The following FNIP2 variants were observed in gnomAD, a reference collection of about 807,000 sequenced individuals.
FNIP2 encodes the protein folliculin-interacting protein 2.
In FNIP2, 32 loss-of-function variants were observed where a neutral mutation model predicts 108.7. The observed-to-expected ratio is 0.29, with a 90% CI of 0.22 to 0.40. The LOEUF is 0.40. FNIP2 is among the 10% of genes least tolerant of loss of function. The pLI is 1.00. For synonymous variants in FNIP2, 480 were observed against 496.7 expected (o/e 0.97, Z 0.45); for missense variants, 1,202 against 1,381.6 (o/e 0.87, Z 2.06).
At chr4:158,825,381 C>G (rs958635727) in intron 1 of FNIP2, among the ~76,000 whole-genome samples, 1 of 152,140 alleles carries the variant, frequency 6.6e-6, no homozygotes, top group Non-Finnish European at 1.5e-5. Context: ...TTCTGAAACT[C>G]CTGGATTAGA....
chr4:158,796,488 T>C (rs551860695), intron 1 of FNIP2, among the ~76,000 whole-genome samples: 1 of 152,220 alleles, frequency 6.6e-6, no homozygotes, highest in South Asian at 2.1e-4. Flanking sequence ...GGCTATGTTT[T>C]TGGGGGAGGG....
At chr4:158,787,322 C>A (rs559918959) in intron 1 of FNIP2, among the ~76,000 whole-genome samples, 3 of 152,312 alleles carry the variant, frequency 2.0e-5, no homozygotes, top group South Asian at 2.1e-4. Context: ...CCATAGTTTT[C>A]TTTTCTAAAA....
At chr4:158,772,388 CTTG>C (rs1023683301) in intron 1 of FNIP2, among the ~76,000 whole-genome samples, 16 of 152,204 alleles carry the variant, frequency 1.1e-4, no homozygotes, top group Admixed American at 3.3e-4. Flanking sequence ...TAAGGTTGTT[CTTG>C]TTGTTGTTGT....
intron 16 of FNIP2, among the ~76,000 whole-genome samples, chr4:158,900,661 A>G (rs1180246202): frequency 1.3e-5 from 2 of 151,570 alleles, no homozygotes; most frequent in Non-Finnish European, 2.9e-5. Flanking sequence ...TACAACCCCT[A>G]CTTTTTTTCA....
intron 11 of FNIP2, 21 bp from the exon 12 acceptor site, chr4:158,861,586 A>G (rs746545696): frequency 6.2e-7 from 1 of 1,613,960 alleles, no homozygotes; most frequent in South Asian, 1.1e-5. Flanking sequence ...AGTTGGTTGT[A>G]TCTTTTTCCA....
Position 158,769,062 on chromosome 4 carries a change from G to C in FNIP2, c.-151G>C, listed in dbSNP as rs1775599273. On this transcript the variant is annotated 5_prime_UTR_variant, in exon 1 of 17. Coordinates refer to ENST00000264433, the MANE Select transcript of FNIP2 (RefSeq NM_020840.3). ...CGGCAGCCGGCGGCTCCGGCGCCGA[G>C]CAGAGTTACTCAGTCGCAGCGGCCC... is the stretch of plus-strand genomic sequence containing the variant. 1 of 159,810 alleles carries C rather than the reference G, an allele frequency of 6.3e-6. No individual in the cohort carries two copies. The highest frequency in any genetic ancestry group is 2.4e-5 in the African/African-American group (1 of 41,108). The allele number at this position is 159,810 out of a possible 1,614,324, so 9.9% of individuals were successfully genotyped here. A position where few individuals can be genotyped will look rare whatever the true frequency, so the allele number is the denominator to read the frequency against.
At chr4:158,846,934 A>C (rs1364285564) in intron 7 of FNIP2, among the ~76,000 whole-genome samples, 1 of 152,164 alleles carries the variant, frequency 6.6e-6, no homozygotes, top group Non-Finnish European at 1.5e-5. Context: ...ACCCCTCCCC[A>C]ATCCCCTGGA....
rs1578943154 is a variant in FNIP2, at chr4:158,868,201, C to G, written c.1565C>G (p.Thr522Ser). ...DLVQRILYVLTYFLRCSELQE... is the reference protein window; with the variant it reads ...DLVQRILYVLSYFLRCSELQE... ...GTCCAGCGAATACTTTATGTCCTGA[C>G]CTACTTTCTCCGTTGCTCTGAGCTA... The change falls in exon 13 of 17, where the codon ACC becomes AGC. Residue 522 changes from threonine to serine, a missense_variant. This residue lies in a region of FNIP2 where 878 missense variants were observed against 990.3 expected (regional missense o/e 0.89). Transcript: ENST00000264433. The surrounding 1 kb of genome is among the most constrained non-coding windows in gnomAD (Gnocchi z 4.6). 1 of 1,614,058 alleles carries G rather than the reference C, an allele frequency of 6.2e-7. No homozygotes were observed. The highest frequency in any genetic ancestry group is 2.2e-5 in the East Asian group (1 of 44,888).
rs527451869 is a variant in FNIP2, at chr4:158,888,575, C to G, written c.2950-2871C>G. ...ATTGTTCTTTCGTCTTTACTCAGGTCTCTACCTCAGATTCTGCCTCTTTGC... is the reference window on the plus strand; with the variant it reads ...ATTGTTCTTTCGTCTTTACTCAGGTGTCTACCTCAGATTCTGCCTCTTTGC... On this transcript the variant is annotated intron_variant, in intron 14 of 16. Coordinates refer to ENST00000264433, the MANE Select transcript of FNIP2 (RefSeq NM_020840.3). Among the ~76,000 whole-genome samples, 31 of 152,294 alleles carry G rather than the reference C, an allele frequency of 2.0e-4. 1 individual carries two copies. In the South Asian group the frequency reaches 6.2e-3, roughly 31 times the overall value.
intron 16 of FNIP2, among the ~76,000 whole-genome samples, chr4:158,901,875 T>G (rs1729315988): frequency 6.6e-6 from 1 of 151,988 alleles, no homozygotes; most frequent in Non-Finnish European, 1.5e-5. Flanking sequence ...TTATTCTAGT[T>G]AGCAATTCAC....
In FNIP2 at chr4:158,833,513, C is replaced by CA; in HGVS notation, c.555-14dup. The CA allele has an allele frequency of 4.6e-6, 7 of 1,529,300 alleles. No homozygotes were observed. The highest frequency in any genetic ancestry group is 5.3e-6 in the Non-Finnish European group (6 of 1,129,246). 94.7% of individuals were successfully genotyped at this position (1,529,300 alleles called of 1,614,324 possible). A position where few individuals can be genotyped will look rare whatever the true frequency, so the allele number is the denominator to read the frequency against. ...TTGTCCTCTTTCTCCTTTTCCCCCC[C>CA]ATCTCCGGATATAGCTTGCAAGACA... On this transcript the variant is annotated splice_polypyrimidine_tract_variant and intron_variant, in intron 5 of 16. Transcript: ENST00000264433.
chr4:158,883,976 A>G (rs1471585696), intron 14 of FNIP2, among the ~76,000 whole-genome samples: 9 of 109,464 alleles, frequency 8.2e-5, no homozygotes, highest in Non-Finnish European at 1.2e-4. Flanking sequence ...TTTTGTCCTG[A>G]GTGTTCCTAT....
At chr4:158,791,430 C>T (rs938303389) in intron 1 of FNIP2, among the ~76,000 whole-genome samples, 2 of 151,800 alleles carry the variant, frequency 1.3e-5, no homozygotes. Context: ...ATTACAGGCA[C>T]CTGCCACCAT....
At chr4:158,871,636 C>T (rs928244370) in intron 14 of FNIP2, 12 of 985,282 alleles carry the variant, frequency 1.2e-5, no homozygotes, top group East Asian at 1.1e-4. Context: ...CCAGTGTACA[C>T]GTGTGTGGCC....
intron 7 of FNIP2, 102 bp from the exon 8 acceptor site, chr4:158,851,219 T>G: frequency 7.5e-7 from 1 of 1,337,030 alleles, no homozygotes; most frequent in Non-Finnish European, 1.0e-6. Flanking sequence ...ACATAATAAA[T>G]GTAGAGTTCA....
chr4:158,876,364 A>G (rs1560824283), intron 14 of FNIP2, among the ~76,000 whole-genome samples: 1 of 152,204 alleles, frequency 6.6e-6, no homozygotes, highest in Non-Finnish European at 1.5e-5. Context: ...TAAACTCCAT[A>G]GCTGGAATTG....
intron 1 of FNIP2, chr4:158,806,401 G>A: frequency 4.7e-6 from 6 of 1,289,306 alleles, no homozygotes; most frequent in Non-Finnish European, 6.1e-6. Context: ...CAGGAGCACT[G>A]ACCACACGGA....
At chr4:158,769,407 G>A (rs1202100608) in intron 1 of FNIP2, 88 bp downstream of exon 1, 1 of 912,918 alleles carries the variant, frequency 1.1e-6, no homozygotes, top group South Asian at 1.9e-5. Flanking sequence ...GGAAAGGGAA[G>A]GGACTGTCCA....
In FNIP2 at chr4:158,796,115, T is replaced by C. The variant is rs562916146; in HGVS notation, c.107+26796T>C. On this transcript the variant is annotated intron_variant, in intron 1 of 16. Coordinates refer to ENST00000264433, the MANE Select transcript of FNIP2 (RefSeq NM_020840.3). ...GAGAATCCTTCAGAGGCATTGTTTA[T>C]AGAGTCCGTTCTATCTTCCTATTAC... 3.4e-4 allele frequency: 52 copies of C among 152,328 alleles called. 1 individual carries two copies. Among genetic ancestry groups the C allele is most frequent in the African/African-American group, 1.3e-3 (52 of 41,578 alleles). 9.4% of individuals were successfully genotyped at this position (152,328 alleles called of 1,614,324 possible).
Sources: allele counts gnomAD v4.1 joint callset (sites outside exome capture counted in the v4.1 genomes callset), GRCh38; gene constraint gnomAD v4.1.1; regional missense constraint gnomAD v4.1.1; non-coding constraint Gnocchi (gnomAD v3.1); transcripts MANE v1.5; gene names NCBI Gene and HGNC (gene_info 2026-07-23, HGNC 2026-07-21).